The following BEND2 variants were observed in gnomAD, a reference collection of about 807,000 sequenced individuals.
BEND2 encodes the protein BEN domain containing 2.
BEND2 carries 19 observed loss-of-function variants against 43.8 expected under a neutral mutation model. The observed-to-expected ratio is 0.43, with a 90% confidence interval of 0.30 to 0.64. The LOEUF (loss-of-function observed/expected upper bound fraction) is 0.64, where lower values mean the gene tolerates loss of function less well. Ranked by LOEUF, BEND2 falls within the 30% of genes least tolerant of loss-of-function variation. The pLI is 0.11. For missense variants in BEND2, 544 were observed against 574.0 expected, an observed-to-expected ratio of 0.95 and a Z score of 0.53; for synonymous variants, 226 against 210.1, an observed-to-expected ratio of 1.08 and a Z score of -0.66.
rs1372843530 is a variant in BEND2 at position 18,164,445 on chromosome X, T to TA, written c.*563dup. ...CAGCAAACTATTCAGAGAATTATTT[T>TA]AAAAAATAAATCCTTAATATCTTTA... On this transcript the variant is annotated 3_prime_UTR_variant, in exon 14 of 14. Transcript: ENST00000380033. 8.9e-6 allele frequency: 1 copy of TA among 112,042 alleles called. No homozygotes were observed. The highest frequency in any genetic ancestry group is 1.9e-5 in the Non-Finnish European group (1 of 53,257). 9.2% of individuals were successfully genotyped at this position (112,042 alleles called of 1,213,427 possible).
intron 1 of BEND2, 65 bp from the exon 2 acceptor site, chrX:18,216,798 G>A: frequency 1.2e-6 from 1 of 863,480 alleles, no homozygotes; most frequent in Non-Finnish European, 1.7e-6. Flanking sequence ...TCTTGAGGAA[G>A]CTACCTTATA....
chrX:18,200,269 G>A (rs759547025), intron 6 of BEND2, among the ~76,000 whole-genome samples: 6 of 111,149 alleles, frequency 5.4e-5, no homozygotes, highest in East Asian at 5.7e-4. Context: ...TTGGGAGGCC[G>A]TGGCAGGCAG....
intron 13 of BEND2, among the ~76,000 whole-genome samples, chrX:18,166,251 C>T (rs913473873): frequency 1.6e-4 from 18 of 112,025 alleles, no homozygotes; most frequent in African/African-American, 5.8e-4. Flanking sequence ...AAATACAGCG[C>T]TTGCATAGCT....
At chrX:18,217,922 AAATAATAATAAT>A (rs56310183) in intron 1 of BEND2, among the ~76,000 whole-genome samples, 1 of 104,522 alleles carries the variant, frequency 9.6e-6, no homozygotes, top group South Asian at 4.3e-4. Flanking sequence ...CTCTACCAAA[AAATAATAATAAT>A]AATAATAATA....
chrX:18,176,238 A>C, intron 10 of BEND2, 145 bp from the exon 11 acceptor site: 3 of 442,805 alleles, frequency 6.8e-6, no homozygotes, highest in Non-Finnish European at 7.1e-6. Context: ...TCTACTTCTC[A>C]TCCTTTTCTC....
rs753465912 is a variant in BEND2, at chrX:18,164,722, T to C, written c.*287A>G. On this transcript the variant is annotated 3_prime_UTR_variant, in exon 14 of 14. Transcript: ENST00000380033. Reference sequence around the variant, plus strand: ...TCTACCTTATCAAAAAAACAAAGTATATTAATGTCAATTATCTAAGTCAAA... The same window carrying C: ...TCTACCTTATCAAAAAAACAAAGTACATTAATGTCAATTATCTAAGTCAAA... The C allele has an allele frequency of 4.3e-6, 1 of 234,075 alleles. No homozygotes were observed. Among genetic ancestry groups the C allele is most frequent in the Non-Finnish European group, 7.5e-6 (1 of 132,949 alleles). The allele number at this position is 234,075 out of a possible 1,213,427, so 19.3% of individuals were successfully genotyped here.
intron 13 of BEND2, among the ~76,000 whole-genome samples, chrX:18,166,967 C>G (rs773819301): frequency 9.0e-6 from 1 of 110,732 alleles, no homozygotes; most frequent in South Asian, 3.8e-4. Context: ...TAAGGTCTTT[C>G]CTAGCCGTTT....
rs753059460 is a variant in BEND2, at chrX:18,195,280, A to G, written c.1180+16T>C. The G allele has an allele frequency of 2.7e-5, 32 of 1,192,690 alleles. No homozygotes were observed. Among genetic ancestry groups the G allele is most frequent in the Non-Finnish European group, 3.4e-5 (30 of 888,674 alleles). On this transcript the variant is annotated intron_variant, in intron 7 of 13. Transcript: ENST00000380033. ...GATGAGAGGCCTGCTTGTGATATCCATTATTTCAAACTCACCAAAATTAGA... is the reference window on the plus strand; with the variant it reads ...GATGAGAGGCCTGCTTGTGATATCCGTTATTTCAAACTCACCAAAATTAGA...
chrX:18,177,817 G>C, intron 9 of BEND2, 48 bp from the exon 10 acceptor site: 7 of 1,049,439 alleles, frequency 6.7e-6, no homozygotes, highest in Non-Finnish European at 9.3e-6. Context: ...TGTCATGCAA[G>C]GGTACCCTCA....
Position 18,218,763 on chromosome X carries a change from G to A in BEND2, c.25+1963C>T, listed in dbSNP as rs749217628. On this transcript the variant is annotated intron_variant, in intron 1 of 13. Coordinates refer to ENST00000380033, the MANE Select transcript of BEND2 (RefSeq NM_153346.5). ...TAGTCCCAGCTACTCGGGAGGCTGAGGCCGGAGAATCGCTTGAACCTGGGA... is the reference window on the plus strand; with the variant it reads ...TAGTCCCAGCTACTCGGGAGGCTGAAGCCGGAGAATCGCTTGAACCTGGGA... 1.9e-3 allele frequency among the ~76,000 whole-genome samples: 217 copies of A among 112,110 alleles called. 1 individual carries two copies. The highest frequency in any genetic ancestry group is 5.3e-3 in the Admixed American group (56 of 10,612).
chrX:18,202,474 C>T (rs912039868), intron 5 of BEND2, among the ~76,000 whole-genome samples: 1 of 111,771 alleles, frequency 8.9e-6, no homozygotes, highest in African/African-American at 3.3e-5. Flanking sequence ...GGGATGGAGG[C>T]CCTTATAAAA....
At chrX:18,181,889 C>G (rs749527384) in intron 8 of BEND2, among the ~76,000 whole-genome samples, 130 of 111,267 alleles carry the variant, frequency 1.2e-3, no homozygotes, top group African/African-American at 4.1e-3. Flanking sequence ...AGACTTAAAC[C>G]CTGTATCAAT....
chrX:18,207,356 G>A (rs1925369432), intron 4 of BEND2, among the ~76,000 whole-genome samples: 1 of 111,273 alleles, frequency 9.0e-6, no homozygotes, highest in Non-Finnish European at 1.9e-5. Context: ...TTACCAACAT[G>A]GTGATTCTTA....
chrX:18,163,016 T>C lies in BEND2; in HGVS notation c.*1993A>G, dbSNP rs968333132. ...ATTTATTTATCAAAAATGAGTCTTA[T>C]GAGCAGGCATTTAAAATGTTTAACA... On this transcript the variant is annotated 3_prime_UTR_variant, in exon 14 of 14. Coordinates refer to ENST00000380033, the MANE Select transcript of BEND2 (RefSeq NM_153346.5). 6.2e-5 allele frequency: 7 copies of C among 112,534 alleles called. No individual in the cohort carries two copies. Among genetic ancestry groups the C allele is most frequent in the Non-Finnish European group, 1.3e-4 (7 of 53,284 alleles). The allele number at this position is 112,534 out of a possible 1,213,427, so 9.3% of individuals were successfully genotyped here.
At position 18,203,832 on chromosome X, in the gene BEND2, T is replaced by C; in HGVS notation, c.576A>G (p.Ala192=). ...ASPAVTSLES[A]ACHELQEADL... is the part of the protein sequence containing the mutation. ...CTGCTTCCTGCAGTTCATGACATGC[T>C]GCTGACTCAAGAGATGTTACAGCAG... Residue 192 remains alanine, a synonymous_variant, in exon 5 of 14, where the codon GCA becomes GCG. Coordinates refer to ENST00000380033, the MANE Select transcript of BEND2 (RefSeq NM_153346.5). 1 of 1,211,021 alleles carries C rather than the reference T, an allele frequency of 8.3e-7. No individual in the cohort carries two copies. Among genetic ancestry groups the C allele is most frequent in the Non-Finnish European group, 1.1e-6 (1 of 894,531 alleles).
At chrX:18,207,602 T>C (rs1007472683) in intron 4 of BEND2, among the ~76,000 whole-genome samples, 2 of 112,437 alleles carry the variant, frequency 1.8e-5, no homozygotes, top group Non-Finnish European at 3.8e-5. Flanking sequence ...AAAGGGGCTA[T>C]AGAAATTATT....
At chrX:18,220,019 T>C (rs1925813867) in intron 1 of BEND2, among the ~76,000 whole-genome samples, 2 of 111,339 alleles carry the variant, frequency 1.8e-5, no homozygotes, top group Non-Finnish European at 3.8e-5. Flanking sequence ...ATACCCCGCC[T>C]CACCAAAAAG....
chrX:18,177,795 C>G (rs1924229398), intron 9 of BEND2, 26 bp from the exon 10 acceptor site: 6 of 1,163,455 alleles, frequency 5.2e-6, no homozygotes, highest in Non-Finnish European at 7.0e-6. Flanking sequence ...GAAAAAGGAA[C>G]ATCCTTGGTT....
intron 12 of BEND2, among the ~76,000 whole-genome samples, chrX:18,171,979 T>C (rs1923991865): frequency 9.0e-6 from 1 of 111,583 alleles, no homozygotes; most frequent in Non-Finnish European, 1.9e-5. Context: ...TTAGATATCT[T>C]ATTTGAAATG....
Sources: gnomAD v4.1 joint callset for allele counts (sites outside exome capture counted in the v4.1 genomes callset) on GRCh38, gnomAD v4.1.1 for gene constraint, MANE v1.5 for transcripts, NCBI Gene and HGNC (gene_info 2026-07-23, HGNC 2026-07-21) for gene names.